LRP6: variants seen among roughly 807,000 people sequenced by gnomAD.
LRP6 encodes the protein LDL receptor related protein 6, also known as low-density lipoprotein receptor-related protein 6.
Under a neutral mutation model 184.1 loss-of-function variants are expected in LRP6, and 43 were observed. The observed-to-expected ratio is 0.23, with a 90% confidence interval of 0.18 to 0.30. The LOEUF is 0.30. LRP6 is among the 10% of genes least tolerant of loss of function. LRP6 has a pLI of 1.00. For synonymous variants in LRP6, 719 were observed against 684.9 expected (o/e 1.05, Z -0.78); for missense variants, 1,571 against 2,005.3 (o/e 0.78, Z 4.14).
chr12:12,135,936 G>A (rs777319807), intron 16 of LRP6, among the ~76,000 whole-genome samples: 3 of 152,028 alleles, frequency 2.0e-5, no homozygotes, highest in Non-Finnish European at 4.4e-5. Context: ...TGTAATCCTA[G>A]CACTTTGGGA....
intron 2 of LRP6, among the ~76,000 whole-genome samples, chr12:12,224,187 TC>T (rs1386530889): frequency 2.0e-5 from 3 of 152,222 alleles, no homozygotes; most frequent in Non-Finnish European, 4.4e-5. Flanking sequence ...TAAAAGATGG[TC>T]TTTTAAAATT....
At chr12:12,237,464 A>G (rs577750805) in intron 2 of LRP6, among the ~76,000 whole-genome samples, 5 of 152,342 alleles carry the variant, frequency 3.3e-5, no homozygotes, top group South Asian at 4.1e-4. Flanking sequence ...TTTGTGGATA[A>G]AAGTATGATG....
intron 1 of LRP6, among the ~76,000 whole-genome samples, chr12:12,256,015 A>G (rs1297685153): frequency 6.6e-6 from 1 of 152,214 alleles, no homozygotes; most frequent in African/African-American, 2.4e-5. Context: ...AAAATAAGGT[A>G]CATACAGAAA....
At chr12:12,215,143 G>A (rs1285437486) in intron 2 of LRP6, among the ~76,000 whole-genome samples, 3 of 151,946 alleles carry the variant, frequency 2.0e-5, no homozygotes, top group Admixed American at 1.3e-4. Context: ...CCAAACCCCT[G>A]GTGTTTTGGT....
chr12:12,156,322 G>T (rs771767594), intron 12 of LRP6, among the ~76,000 whole-genome samples: 1 of 152,178 alleles, frequency 6.6e-6, no homozygotes, highest in Admixed American at 6.5e-5. Flanking sequence ...GTCATGAAGC[G>T]GGAGTACCCG....
chr12:12,238,276 G>A (rs1247035340), intron 2 of LRP6, among the ~76,000 whole-genome samples: 1 of 146,558 alleles, frequency 6.8e-6, no homozygotes, highest in Non-Finnish European at 1.5e-5. Flanking sequence ...GAAGATAAAA[G>A]AGCAAAATTA....
chr12:12,121,786 A>G (rs1223593709), intron 22 of LRP6, among the ~76,000 whole-genome samples: 2 of 152,168 alleles, frequency 1.3e-5, no homozygotes, highest in Admixed American at 6.5e-5. Context: ...GTTTTTACAT[A>G]TTTTACACTA....
chr12:12,228,268 G>T (rs1437502590), intron 2 of LRP6, among the ~76,000 whole-genome samples: 2 of 152,120 alleles, frequency 1.3e-5, no homozygotes, highest in Non-Finnish European at 2.9e-5. Context: ...GAGGCTGGAG[G>T]CATGATAATC....
At chr12:12,216,480 C>A (rs1401993487) in intron 2 of LRP6, among the ~76,000 whole-genome samples, 9 of 152,074 alleles carry the variant, frequency 5.9e-5, no homozygotes, top group Middle Eastern at 3.4e-3. Flanking sequence ...ACTTAGAAGG[C>A]AGAATAAACA....
chr12:12,240,650 T>C (rs1467522332), intron 2 of LRP6, among the ~76,000 whole-genome samples: 1 of 152,158 alleles, frequency 6.6e-6, no homozygotes, highest in Non-Finnish European at 1.5e-5. Flanking sequence ...TAATATAAAT[T>C]CACTTCAAAT....
At chr12:12,222,562 G>A (rs1257677488) in intron 2 of LRP6, among the ~76,000 whole-genome samples, 3 of 107,812 alleles carry the variant, frequency 2.8e-5, no homozygotes, top group East Asian at 3.3e-4. Flanking sequence ...GCAAGACTCC[G>A]TCTCAAAAAA....
At chr12:12,216,655 T>A (rs372141533) in intron 2 of LRP6, among the ~76,000 whole-genome samples, 6,017 of 137,012 alleles carry the variant, frequency 0.044, 159 homozygotes, top group Middle Eastern at 0.16. Context: ...ACTTAAAATT[T>A]AAAAAAAAAA....
At chr12:12,232,383 CAAA>C (rs199538156) in intron 2 of LRP6, among the ~76,000 whole-genome samples, 4 of 105,566 alleles carry the variant, frequency 3.8e-5, no homozygotes, top group Admixed American at 1.0e-4. Context: ...GACGCTGTCT[CAAA>C]AAAAAAAAAA....
chr12:12,183,218 T>G (rs1346707883), intron 5 of LRP6, among the ~76,000 whole-genome samples: 1 of 152,166 alleles, frequency 6.6e-6, no homozygotes, highest in African/African-American at 2.4e-5. Flanking sequence ...TTTTCAGAGT[T>G]AGATAAAGAA....
intron 12 of LRP6, 44 bp from the exon 13 acceptor site, chr12:12,151,082 C>T: frequency 2.9e-6 from 4 of 1,392,734 alleles, no homozygotes; most frequent in Non-Finnish European, 4.0e-6. Flanking sequence ...AGTTACCCTA[C>T]ATCCTCTATC....
Position 12,248,668 on chromosome 12 carries a change from G to A in LRP6, c.56-4013C>T, listed in dbSNP as rs551480138. ...AGCTAATTTTTGTATTTTTAGTAGA[G>A]ATGGGGTTTCACCGTGTTAGCCAGG... On this transcript the variant is annotated intron_variant, in intron 1 of 22. Coordinates refer to ENST00000261349, the MANE Select transcript of LRP6 (RefSeq NM_002336.3). Among the ~76,000 whole-genome samples the A allele has an allele frequency of 3.9e-5, 6 of 151,908 alleles. No individual in the cohort carries two copies. The South Asian group carries it at 6.3e-4, about 16-fold the overall frequency.
Position 12,162,336 on chromosome 12 carries a change from T to C in LRP6, c.2136A>G (p.Val712=), listed in dbSNP as rs376010367. The change falls in exon 10 of 23, where the codon GTA becomes GTG. Residue 712 remains valine (V), a synonymous_variant. Transcript: ENST00000261349. ...FGLDYPEGMA[V]DWLGKNLYWA... ...AGTACAAGTTCTTCCCAAGCCAGTC[T>C]ACTGCCATGCCTTCTGGATAATCTA... The C allele has an allele frequency of 6.2e-7, 1 of 1,614,236 alleles. No individual in the cohort carries two copies. The highest frequency in any genetic ancestry group is 2.2e-5 in the East Asian group (1 of 44,884).
chr12:12,266,914 C>T lies in LRP6; in HGVS notation c.-179G>A. The T allele has an allele frequency of 1.6e-6, 1 of 636,902 alleles. No individual in the cohort carries two copies. The highest frequency in any genetic ancestry group is 2.8e-6 in the Non-Finnish European group (1 of 357,114). The allele number at this position is 636,902 out of a possible 1,614,324, so 39.5% of individuals were successfully genotyped here. A position where few individuals can be genotyped will look rare whatever the true frequency, so the allele number is the denominator to read the frequency against. On this transcript the variant is annotated 5_prime_UTR_variant, in exon 1 of 23. Transcript: ENST00000261349. ...GCGCGCGCCGCCGCCGCCCTCTCTA[C>T]CGCGCCGCTCGGCCCCGGGCTCGCG...
intron 2 of LRP6, among the ~76,000 whole-genome samples, chr12:12,237,458 TG>T (rs1864955263): frequency 6.6e-6 from 1 of 152,080 alleles, no homozygotes; most frequent in African/African-American, 2.4e-5. Context: ...CTAAAATTTG[TG>T]GATAAAAGTA....
Sources: gnomAD v4.1 joint callset for allele counts (sites outside exome capture counted in the v4.1 genomes callset) on GRCh38, gnomAD v4.1.1 for gene constraint, MANE v1.5 for transcripts, NCBI Gene and HGNC (gene_info 2026-07-23, HGNC 2026-07-21) for gene names.